CTNNA2: variants seen among roughly 807,000 people sequenced by gnomAD.
CTNNA2 encodes catenin alpha-2.
A neutral mutation model predicts 101.0 loss-of-function variants in CTNNA2; 42 were observed. The observed-to-expected ratio is 0.42, with a 90% CI of 0.32 to 0.54. CTNNA2 has a LOEUF of 0.54. CTNNA2 is among the 20% of genes least tolerant of loss of function. CTNNA2 has a pLI of 0.14. For missense variants in CTNNA2, 871 were observed against 1,223.1 expected (o/e 0.71, Z 4.29); for synonymous variants, 450 against 456.4 (o/e 0.99, Z 0.18).
intron 5 of CTNNA2, among the ~76,000 whole-genome samples, chr2:79,506,411 T>A (rs879553436): frequency 6.6e-6 from 1 of 152,028 alleles, no homozygotes; most frequent in African/African-American, 2.4e-5. Context: ...CAGGGAGGTA[T>A]CAGAGTGCTG....
chr2:80,632,373 A>G (rs985813701), intron 18 of CTNNA2, among the ~76,000 whole-genome samples: 3 of 152,130 alleles, frequency 2.0e-5, no homozygotes, highest in African/African-American at 4.8e-5. Context: ...TTAAGGTGGA[A>G]TCACCAAGGA....
Position 79,189,620 on chromosome 2 carries a change from A to G in CTNNA2, c.-524+4189A>G, listed in dbSNP as rs542014566. ...AGAGTTTTCAGGAGCTGGGCAAGTG[A>G]AACTACAGACCATCTGTGTTTGGTA... On this transcript the variant is annotated intron_variant, in intron 1 of 21. Transcript: ENST00000466387. Among the ~76,000 whole-genome samples, 14 of 152,326 alleles carry G rather than the reference A, an allele frequency of 9.2e-5. No homozygotes were observed. The South Asian group carries it at 2.9e-3, about 32-fold the overall frequency.
intron 1 of CTNNA2, among the ~76,000 whole-genome samples, chr2:79,612,615 A>T (rs1678352935): frequency 6.6e-6 from 1 of 152,138 alleles, no homozygotes; most frequent in South Asian, 2.1e-4. Flanking sequence ...TTTGGGGAAA[A>T]AAATTCAGAT....
chr2:79,724,687 C>T (rs187451097), intron 2 of CTNNA2, among the ~76,000 whole-genome samples: 54 of 151,548 alleles, frequency 3.6e-4, no homozygotes, highest in Non-Finnish European at 5.7e-4. Context: ...TGGTCGTGGG[C>T]GCCTGTAGTC....
At chr2:80,107,488 C>T (rs1338769885) in intron 7 of CTNNA2, among the ~76,000 whole-genome samples, 1 of 152,142 alleles carries the variant, frequency 6.6e-6, no homozygotes, top group African/African-American at 2.4e-5. Flanking sequence ...GGGAAGATTA[C>T]CTGCCCATCC....
At chr2:79,595,317 G>A (rs1677120227) in intron 1 of CTNNA2, among the ~76,000 whole-genome samples, 1 of 151,906 alleles carries the variant, frequency 6.6e-6, no homozygotes, top group South Asian at 2.1e-4. Context: ...ATCTATTCCC[G>A]TGATTTATCT....
intron 7 of CTNNA2, among the ~76,000 whole-genome samples, chr2:80,040,277 A>G (rs1249541038): frequency 6.6e-6 from 1 of 152,220 alleles, no homozygotes; most frequent in Non-Finnish European, 1.5e-5. Context: ...ATATTATTCA[A>G]AGAAGGTTTG....
rs903504221 is a variant in CTNNA2, at chr2:79,979,995, A to T, written c.1056+70198A>T. On this transcript the variant is annotated intron_variant, in intron 7 of 18. Transcript: ENST00000402739. ...ATAACTGGAGATGTTGCATCCGATG[A>T]CCTCTAAGTGCTTCTCCATCTCTAA... 2.0e-5 allele frequency among the ~76,000 whole-genome samples: 3 copies of T among 152,168 alleles called. No individual in the cohort carries two copies. In the South Asian group the frequency reaches 6.2e-4, roughly 32 times the overall value.
At chr2:79,640,525 A>C in intron 1 of CTNNA2, among the ~76,000 whole-genome samples, 1 of 152,332 alleles carries the variant, frequency 6.6e-6, no homozygotes, top group Middle Eastern at 3.4e-3. Context: ...ATAAAAGTAA[A>C]CCTGAAGTAT....
chr2:80,341,910 A>G (rs1159090456), intron 7 of CTNNA2, among the ~76,000 whole-genome samples: 2 of 152,242 alleles, frequency 1.3e-5, no homozygotes, highest in South Asian at 2.1e-4. Context: ...ATAGCCATGC[A>G]ATGGAATATA....
Position 79,801,992 on chromosome 2 carries a change from C to CAA in CTNNA2, c.299-56001_299-56000dup, listed in dbSNP as rs57124311. On this transcript the variant is annotated intron_variant, in intron 3 of 18. Transcript: ENST00000402739. ...GGGCAACAAGAGTGAAACTCTGTCT[C>CAA]AAAAAAAAAAAAAAAAAAAAATGAA... 1.4e-3 allele frequency among the ~76,000 whole-genome samples: 92 copies of CAA among 63,714 alleles called. 1 individual carries two copies. Among genetic ancestry groups the CAA allele is most frequent in the African/African-American group, 2.3e-3 (48 of 21,022 alleles). The allele number at this position is 63,714 out of a possible 152,430, so 41.8% of individuals were successfully genotyped here. A position where few individuals can be genotyped will look rare whatever the true frequency, so the allele number is the denominator to read the frequency against.
chr2:80,606,072 A>G (rs1304790339), intron 16 of CTNNA2, among the ~76,000 whole-genome samples: 3 of 151,870 alleles, frequency 2.0e-5, no homozygotes, highest in African/African-American at 7.2e-5. Context: ...AAAAGGCCAC[A>G]TTCTTTTTCT....
chr2:79,800,642 T>C (rs1032896319), intron 3 of CTNNA2, among the ~76,000 whole-genome samples: 4 of 152,224 alleles, frequency 2.6e-5, no homozygotes, highest in East Asian at 3.9e-4. Context: ...CCAAGGAGGA[T>C]GGCGAAAGAG....
chr2:79,280,141 A>T (rs1322102205), intron 2 of CTNNA2, among the ~76,000 whole-genome samples: 1 of 152,144 alleles, frequency 6.6e-6, no homozygotes, highest in East Asian at 1.9e-4. Flanking sequence ...GTCAAGGGAT[A>T]CGGAGGTTCA....
At chr2:80,585,837 A>T (rs1384705892) in intron 14 of CTNNA2, among the ~76,000 whole-genome samples, 1 of 152,226 alleles carries the variant, frequency 6.6e-6, no homozygotes. Context: ...AATTTTTAAA[A>T]GCAAGAGCAT....
At chr2:80,038,263 T>C (rs2104249218) in intron 7 of CTNNA2, among the ~76,000 whole-genome samples, 1 of 152,278 alleles carries the variant, frequency 6.6e-6, no homozygotes, top group East Asian at 1.9e-4. Context: ...ATTGCAGTCT[T>C]CTTGTCAGAA....
intron 7 of CTNNA2, among the ~76,000 whole-genome samples, chr2:80,236,183 T>A (rs1375904226): frequency 6.6e-6 from 1 of 152,240 alleles, no homozygotes; most frequent in African/African-American, 2.4e-5. Flanking sequence ...GGTTTATATG[T>A]ACCACATTTT....
chr2:79,960,026 C>A (rs1227928779), intron 7 of CTNNA2, among the ~76,000 whole-genome samples: 1 of 152,088 alleles, frequency 6.6e-6, no homozygotes, highest in Admixed American at 6.6e-5. Context: ...TAGAGTATGT[C>A]AGGACAAAGA....
At chr2:80,286,796 G>T (rs990389295) in intron 7 of CTNNA2, among the ~76,000 whole-genome samples, 27 of 152,266 alleles carry the variant, frequency 1.8e-4, no homozygotes, top group African/African-American at 6.5e-4. Flanking sequence ...CTGTGTTATA[G>T]TATTCATCCT....
Sources: allele counts gnomAD v4.1 joint callset (sites outside exome capture counted in the v4.1 genomes callset), GRCh38; gene constraint gnomAD v4.1.1; transcripts MANE v1.5; gene names NCBI Gene and HGNC (gene_info 2026-07-23, HGNC 2026-07-21).